P4HA3: variants seen among roughly 807,000 people sequenced by gnomAD.
P4HA3 encodes the protein prolyl 4-hydroxylase subunit alpha-3.
A neutral mutation model predicts 66.7 loss-of-function variants in P4HA3; 60 were observed. The ratio of observed to expected loss-of-function variants is 0.90; its 90% CI spans 0.73 to 1.12. The LOEUF (loss-of-function observed/expected upper bound fraction) is 1.12. Among genes scored for constraint, P4HA3 ranks in the 50% most tolerant of loss-of-function variants. The probability of loss-of-function intolerance (pLI) is 0.00; values close to 1 mark genes in which losing one functional copy is unlikely to be tolerated. For missense variants in P4HA3, 683 were observed against 685.8 expected (o/e 1.00, Z 0.05); for synonymous variants, 263 against 274.6 (o/e 0.96, Z 0.42).
chr11:74,301,154 T>A (rs1861394778), intron 3 of P4HA3, among the ~76,000 whole-genome samples: 5 of 152,124 alleles, frequency 3.3e-5, no homozygotes, highest in Admixed American at 2.0e-4. Context: ...TATATATTTT[T>A]AAAAATGAAA....
intron 4 of P4HA3, among the ~76,000 whole-genome samples, chr11:74,296,666 A>G (rs2134801155): frequency 6.6e-6 from 1 of 152,224 alleles, no homozygotes; most frequent in East Asian, 1.9e-4. Context: ...CAAGTAGAAG[A>G]GAAATCCAAG....
intron 7 of P4HA3, among the ~76,000 whole-genome samples, chr11:74,283,239 C>T (rs1018186095): frequency 1.3e-5 from 2 of 152,116 alleles, no homozygotes; most frequent in Non-Finnish European, 2.9e-5. Flanking sequence ...TGGCCATGAA[C>T]ATTTAAATCA....
At chr11:74,295,044 A>G (rs1017385960) in intron 4 of P4HA3, among the ~76,000 whole-genome samples, 2 of 152,174 alleles carry the variant, frequency 1.3e-5, no homozygotes, top group African/African-American at 2.4e-5. Context: ...AGCTGTTCCT[A>G]TTCGGCCATC....
At chr11:74,295,759 A>G (rs1426597740) in intron 4 of P4HA3, among the ~76,000 whole-genome samples, 1 of 152,180 alleles carries the variant, frequency 6.6e-6, no homozygotes, top group East Asian at 1.9e-4. Context: ...GAACCTAACC[A>G]TTCCACTACT....
chr11:74,266,831 T>G lies in P4HA3; in HGVS notation c.*417A>C. On this transcript the variant is annotated 3_prime_UTR_variant, in exon 13 of 13. Coordinates refer to ENST00000331597, the MANE Select transcript of P4HA3 (RefSeq NM_182904.5). ...GCAGAAGGCAGTGGGGAGAAAGTCT[T>G]AAAGTTCTGGGAGTCAGGCTAGCCC... 1 of 586,792 alleles carries G rather than the reference T, an allele frequency of 1.7e-6. No homozygotes were observed. Among genetic ancestry groups the G allele is most frequent in the South Asian group, 2.4e-5 (1 of 42,226 alleles). 36.3% of individuals were successfully genotyped at this position (586,792 alleles called of 1,614,324 possible).
At chr11:74,251,820 G>C (rs1224208269) in intron 15 of P4HA3, 3 of 1,391,426 alleles carry the variant, frequency 2.2e-6, no homozygotes, top group African/African-American at 2.8e-5. Flanking sequence ...GCCTGGTTTG[G>C]TCACCATGCC....
At position 74,304,255 on chromosome 11, in the gene P4HA3, C is replaced by T. The variant is rs369717323; in HGVS notation, c.343+15G>A. On this transcript the variant is annotated intron_variant, in intron 2 of 12. Transcript: ENST00000331597. ...AGAATCTTCTCTCTTACCCTCCAGCCCTCCTCCTCATTACCTCGGATGTTC... is the reference window on the plus strand; with the variant it reads ...AGAATCTTCTCTCTTACCCTCCAGCTCTCCTCCTCATTACCTCGGATGTTC... 8.1e-6 allele frequency: 13 copies of T among 1,613,434 alleles called. No homozygotes were observed. The highest frequency in any genetic ancestry group is 9.3e-6 in the Non-Finnish European group (11 of 1,179,630).
At chr11:74,285,226 C>T (rs1860748137) in intron 7 of P4HA3, among the ~76,000 whole-genome samples, 1 of 152,082 alleles carries the variant, frequency 6.6e-6, no homozygotes, top group Admixed American at 6.6e-5. Flanking sequence ...ACTACTGTAC[C>T]TCTAAGTTCT....
rs1861632966 is a variant in P4HA3 at position 74,308,368 on chromosome 11, AC to A, written c.200+3043del. 2.0e-5 allele frequency among the ~76,000 whole-genome samples: 3 copies of A among 152,050 alleles called. No individual in the cohort carries two copies. The Middle Eastern group carries it at 0.01, about 517-fold the overall frequency. The stretch of plus-strand genomic sequence containing the variant: ...TCTCTACCAAATCAAACCAAACCAA[AC>A]AAAAACAAAAACAAAAAAACCCTAG... On this transcript the variant is annotated intron_variant, in intron 1 of 12. Transcript: ENST00000331597.
intron 11 of P4HA3, among the ~76,000 whole-genome samples, chr11:74,268,634 C>T (rs1860079674): frequency 1.3e-5 from 2 of 152,350 alleles, no homozygotes; most frequent in Middle Eastern, 6.8e-3. Context: ...TATTCCCATA[C>T]AGCCAAGCAT....
intron 1 of P4HA3, among the ~76,000 whole-genome samples, chr11:74,310,792 C>A (rs891810688): frequency 1.3e-5 from 2 of 152,222 alleles, no homozygotes; most frequent in Non-Finnish European, 2.9e-5. Context: ...CCCATCCAGT[C>A]CCAATGACAT....
intron 7 of P4HA3, among the ~76,000 whole-genome samples, chr11:74,283,394 CT>C: frequency 1.3e-5 from 2 of 152,276 alleles, no homozygotes; most frequent in East Asian, 3.9e-4. Context: ...GCTTAATTAT[CT>C]CAAAAAGCTT....
chr11:74,277,566 A>G (rs1202348028), intron 8 of P4HA3, among the ~76,000 whole-genome samples: 1 of 152,244 alleles, frequency 6.6e-6, no homozygotes. Context: ...TGTGTTGTCT[A>G]TAAAATTGGG....
rs1029404332 is a variant in P4HA3, at chr11:74,308,305, G to T, written c.200+3107C>A. ...AGGAGGGAGGATCACTTCAGGTCAG[G>T]AGTTCAAGACCAGTCTGGGCAAGAG... is the stretch of plus-strand genomic sequence containing the variant. On this transcript the variant is annotated intron_variant, in intron 1 of 12. Coordinates refer to ENST00000331597, the MANE Select transcript of P4HA3 (RefSeq NM_182904.5). Among the ~76,000 whole-genome samples the T allele has an allele frequency of 3.9e-4, 59 of 152,060 alleles. 1 individual carries two copies. Among genetic ancestry groups the T allele is most frequent in the African/African-American group, 1.4e-3 (58 of 41,400 alleles).
intron 4 of P4HA3, among the ~76,000 whole-genome samples, chr11:74,290,493 G>A (rs1860975350): frequency 6.6e-6 from 1 of 150,934 alleles, no homozygotes. Flanking sequence ...CATTGCTTTT[G>A]GTGTTTTAGA....
chr11:74,262,327 G>A (rs1485350556), downstream of P4HA3, among the ~76,000 whole-genome samples: 1 of 152,150 alleles, frequency 6.6e-6, no homozygotes, highest in African/African-American at 2.4e-5. Flanking sequence ...GGGAGAATGG[G>A]CAGATCAAGC....
chr11:74,266,749 T>C lies in P4HA3; in HGVS notation c.*499A>G, dbSNP rs909475730. 1.5e-5 allele frequency: 5 copies of C among 334,950 alleles called. No individual in the cohort carries two copies. The highest frequency in any genetic ancestry group is 2.2e-5 in the Non-Finnish European group (4 of 184,594). 20.7% of individuals were successfully genotyped at this position (334,950 alleles called of 1,614,324 possible). A position where few individuals can be genotyped will look rare whatever the true frequency, so the allele number is the denominator to read the frequency against. ...CAACTTAAAAAAAATCCTTATATAA[T>C]GTACCACTCATCTGGGATATGCTTC... is the stretch of plus-strand genomic sequence containing the variant. On this transcript the variant is annotated 3_prime_UTR_variant, in exon 13 of 13. Coordinates refer to ENST00000331597, the MANE Select transcript of P4HA3 (RefSeq NM_182904.5).
chr11:74,268,601 C>T lies in P4HA3; in HGVS notation c.1468-360G>A, dbSNP rs76999003. Among the ~76,000 whole-genome samples, 1,099 of 152,326 alleles carry T rather than the reference C, an allele frequency of 7.2e-3. 13 individuals carry two copies. Among genetic ancestry groups the T allele is most frequent in the African/African-American group, 0.025 (1,036 of 41,574 alleles). On this transcript the variant is annotated intron_variant, in intron 11 of 12. Transcript: ENST00000331597. ...TGGGTCACTGAGGAGAAACACCGAA[C>T]AAAACCACAAGGTGGAACAAAATAT...
Position 74,285,838 on chromosome 11 carries a change from G to A in P4HA3, c.1081C>T (p.Gln361Ter), listed in dbSNP as rs1051950365. The change falls in exon 7 of 13, where the codon CAG becomes TAG. Residue 361 changes from glutamine to a stop codon, truncating the protein, a stop_gained. Transcript: ENST00000331597. LOFTEE classifies it high-confidence loss of function. ...GGTTCTGCAAGTTCTCTAATTTTCTGAGCCTCTGAGTCACTGACGAAGTCA... is the reference window on the plus strand; with the variant it reads ...GGTTCTGCAAGTTCTCTAATTTTCTAAGCCTCTGAGTCACTGACGAAGTCA... ...YHDFVSDSEA[Q>*]KIRELAEPWL... 6.2e-7 allele frequency: 1 copy of A among 1,613,822 alleles called. No individual in the cohort carries two copies. Among genetic ancestry groups the A allele is most frequent in the Non-Finnish European group, 8.5e-7 (1 of 1,179,940 alleles).
Sources: allele counts gnomAD v4.1 joint callset (sites outside exome capture counted in the v4.1 genomes callset), GRCh38; gene constraint gnomAD v4.1.1; transcripts MANE v1.5; gene names NCBI Gene and HGNC (gene_info 2026-07-23, HGNC 2026-07-21).